Variants in NRXN3 observed in about 807,000 individuals in gnomAD.
NRXN3 encodes neurexin 3.
Under a neutral mutation model 137.6 loss-of-function variants are expected in NRXN3, and 32 were observed. That is an observed-to-expected ratio of 0.23 (90% CI 0.18 to 0.31). NRXN3 has a LOEUF of 0.31. Ranked by LOEUF, NRXN3 falls within the 10% of genes least tolerant of loss-of-function variation. The pLI is 1.00. For synonymous variants in NRXN3, 798 were observed against 784.5 expected (o/e 1.02, Z -0.29); for missense variants, 1,574 against 2,062.5 (o/e 0.76, Z 4.59).
intron 10 of NRXN3, among the ~76,000 whole-genome samples, chr14:78,926,784 AT>A (rs2099298020): frequency 2.2e-4 from 6 of 27,850 alleles, no homozygotes; most frequent in African/African-American, 1.7e-3. Flanking sequence ...TATATATAAA[AT>A]ATATTATATA....
chr14:78,437,841 TAATA>T lies in NRXN3; in HGVS notation c.757+139985_757+139988del, dbSNP rs796979969. Among the ~76,000 whole-genome samples the T allele has an allele frequency of 2.0e-4, 31 of 152,292 alleles. No individual in the cohort carries two copies. The East Asian group carries it at 5.6e-3, about 28-fold the overall frequency. On this transcript the variant is annotated intron_variant, in intron 4 of 20. Transcript: ENST00000335750. ...GATTTTTCATGAACACCTTAACTAA[TAATA>T]AATCAATTAAAAAATTTAACGGTAA...
intron 16 of NRXN3, among the ~76,000 whole-genome samples, chr14:79,507,069 C>T (rs2096885590): frequency 6.6e-6 from 1 of 152,174 alleles, no homozygotes; most frequent in South Asian, 2.1e-4. Flanking sequence ...GACAGAGTCA[C>T]ATTTCTAAAA....
intron 4 of NRXN3, among the ~76,000 whole-genome samples, chr14:78,523,480 T>G (rs2096315533): frequency 6.6e-6 from 1 of 151,986 alleles, no homozygotes. Context: ...AAAACCACAG[T>G]GCCCAGTAAT....
At chr14:78,824,416 T>A (rs1237904566) in intron 10 of NRXN3, among the ~76,000 whole-genome samples, 1 of 152,216 alleles carries the variant, frequency 6.6e-6, no homozygotes, top group Non-Finnish European at 1.5e-5. Flanking sequence ...GCACTATTCA[T>A]CATTGTATCT....
intron 15 of NRXN3, among the ~76,000 whole-genome samples, chr14:79,390,157 A>G (rs1269970964): frequency 6.6e-6 from 1 of 151,820 alleles, no homozygotes; most frequent in Admixed American, 6.6e-5. Flanking sequence ...CTCTACTAAG[A>G]ATACAAAAAA....
rs369142262 is a variant in NRXN3 at position 79,388,601 on chromosome 14, A to G, written c.3263-78620A>G. ...ATGACAAAGCATGACAGGCAGGCTCACAGCCCTCGACTCATGCTAGATCTC... is the reference window on the plus strand; with the variant it reads ...ATGACAAAGCATGACAGGCAGGCTCGCAGCCCTCGACTCATGCTAGATCTC... On this transcript the variant is annotated intron_variant, in intron 15 of 20. Transcript: ENST00000335750. 2.0e-5 allele frequency among the ~76,000 whole-genome samples: 3 copies of G among 152,026 alleles called. No homozygotes were observed. In the East Asian group the frequency reaches 5.8e-4, roughly 29 times the overall value.
chr14:78,333,414 A>G (rs2081072135), intron 4 of NRXN3, among the ~76,000 whole-genome samples: 1 of 152,216 alleles, frequency 6.6e-6, no homozygotes, highest in Admixed American at 6.5e-5. Flanking sequence ...AGATGAACAA[A>G]AATATTCCTG....
intron 4 of NRXN3, among the ~76,000 whole-genome samples, chr14:78,462,752 C>A (rs2094960425): frequency 6.6e-6 from 1 of 152,144 alleles, no homozygotes; most frequent in South Asian, 2.1e-4. Flanking sequence ...TCCCTTTCAA[C>A]CATTGGCAGT....
At chr14:79,706,652 C>T (rs2098780999) in intron 19 of NRXN3, among the ~76,000 whole-genome samples, 1 of 152,008 alleles carries the variant, frequency 6.6e-6, no homozygotes, top group Non-Finnish European at 1.5e-5. Flanking sequence ...TGAAATGTGG[C>T]CAGATATGCT....
chr14:78,713,986 C>T (rs2098420674), intron 7 of NRXN3, among the ~76,000 whole-genome samples: 10 of 152,160 alleles, frequency 6.6e-5, no homozygotes, highest in Admixed American at 5.2e-4. Flanking sequence ...AACATCTGCT[C>T]AATGAGAGGA....
In NRXN3 at chr14:79,319,842, T is replaced by C. The variant is rs76816606; in HGVS notation, c.3263-147379T>C. Among the ~76,000 whole-genome samples, 1,198 of 152,270 alleles carry C rather than the reference T, an allele frequency of 7.9e-3. 26 individuals are homozygous for C. In the South Asian group the frequency reaches 0.08, roughly 10 times the overall value. ...ATTCTCTCTTGACCAGCTCTGTTAA[T>C]GGGTGTCCTTATGTATGAAACTGAT... On this transcript the variant is annotated intron_variant, in intron 15 of 20. Coordinates refer to ENST00000335750, the MANE Select transcript of NRXN3 (RefSeq NM_001330195.2).
chr14:79,689,565 T>C (rs1172267739), intron 17 of NRXN3, among the ~76,000 whole-genome samples: 2 of 152,102 alleles, frequency 1.3e-5, no homozygotes, highest in Non-Finnish European at 1.5e-5. Context: ...TGCCAGATAC[T>C]ATCAATCTGG....
intron 15 of NRXN3, among the ~76,000 whole-genome samples, chr14:79,108,282 G>A (rs1387177441): frequency 1.3e-5 from 2 of 152,120 alleles, no homozygotes; most frequent in African/African-American, 4.8e-5. Flanking sequence ...TGAAATTATA[G>A]ACAGACCAAT....
chr14:78,988,803 G>T (rs570655436), intron 15 of NRXN3, among the ~76,000 whole-genome samples: 1 of 151,974 alleles, frequency 6.6e-6, no homozygotes, highest in Admixed American at 6.6e-5. Context: ...ATGTATGTAT[G>T]TATTTTCTAT....
intron 19 of NRXN3, among the ~76,000 whole-genome samples, chr14:79,793,318 G>C (rs780528574): frequency 5.9e-5 from 9 of 152,270 alleles, no homozygotes; most frequent in Non-Finnish European, 1.3e-4. Context: ...GGGAGCCTGA[G>C]GCAGGAGAAT....
At chr14:78,723,011 G>A (rs1737118404) in intron 8 of NRXN3, among the ~76,000 whole-genome samples, 1 of 152,156 alleles carries the variant, frequency 6.6e-6, no homozygotes, top group African/African-American at 2.4e-5. Context: ...CCATGTGGGT[G>A]GCATGTAGGG....
intron 4 of NRXN3, among the ~76,000 whole-genome samples, chr14:78,334,444 T>C (rs930902348): frequency 6.6e-6 from 1 of 152,128 alleles, no homozygotes; most frequent in Non-Finnish European, 1.5e-5. Context: ...CTGAGGTTCA[T>C]ACCTGGATGG....
chr14:79,594,085 T>C (rs2097838671), intron 16 of NRXN3, among the ~76,000 whole-genome samples: 1 of 152,254 alleles, frequency 6.6e-6, no homozygotes, highest in South Asian at 2.1e-4. Context: ...TTTTCTTTTA[T>C]AATGCAAAAA....
chr14:78,181,638 A>G (rs1595661271), intron 1 of NRXN3, among the ~76,000 whole-genome samples: 1 of 152,170 alleles, frequency 6.6e-6, no homozygotes. Flanking sequence ...CTGCCTTCTC[A>G]GTTTAAAAAA....
Sources: gnomAD v4.1 joint callset for allele counts (sites outside exome capture counted in the v4.1 genomes callset) on GRCh38, gnomAD v4.1.1 for gene constraint, MANE v1.5 for transcripts, NCBI Gene and HGNC (gene_info 2026-07-23, HGNC 2026-07-21) for gene names.